Variants in RNF17 observed in about 807,000 individuals in gnomAD.
RNF17 encodes the protein ring finger protein 17.
A neutral mutation model predicts 200.5 loss-of-function variants in RNF17; 31 were observed. The observed-to-expected ratio is 0.15, with a 90% confidence interval of 0.12 to 0.21. RNF17 has a LOEUF of 0.21. RNF17 is among the 10% of genes least tolerant of loss of function. RNF17 has a pLI of 1.00. For missense variants in RNF17, 1,628 were observed against 1,905.1 expected (o/e 0.85, Z 2.71); for synonymous variants, 606 against 637.8 (o/e 0.95, Z 0.75).
At chr13:24,821,664 C>T (rs1888070186) in intron 15 of RNF17, among the ~76,000 whole-genome samples, 1 of 152,074 alleles carries the variant, frequency 6.6e-6, no homozygotes, top group East Asian at 1.9e-4. Context: ...AGTTATTATA[C>T]TTTTGAGCTC....
chr13:24,817,005 T>C (rs1165710242), intron 15 of RNF17, among the ~76,000 whole-genome samples: 1 of 152,238 alleles, frequency 6.6e-6, no homozygotes, highest in Non-Finnish European at 1.5e-5. Flanking sequence ...ACAAAATCTT[T>C]TAATATGCTG....
At chr13:24,758,504 G>A in the RNF17 span, among the ~76,000 whole-genome samples, 3 of 152,186 alleles carry the variant, frequency 2.0e-5, no homozygotes, top group Non-Finnish European at 4.4e-5. Context: ...ATTGGAAGCT[G>A]ATACAGAAGG....
the RNF17 span, among the ~76,000 whole-genome samples, chr13:24,754,314 T>C: frequency 6.6e-6 from 1 of 152,174 alleles, no homozygotes; most frequent in Non-Finnish European, 1.5e-5. Flanking sequence ...GTTTTGTTTT[T>C]GCTTTTGTCT....
chr13:24,860,226 C>G (rs1892957662), intron 26 of RNF17, among the ~76,000 whole-genome samples: 1 of 151,764 alleles, frequency 6.6e-6, no homozygotes. Context: ...ATTCAGTGTT[C>G]ATCAAGTTAT....
the RNF17 span, among the ~76,000 whole-genome samples, chr13:24,888,350 T>C: frequency 3.3e-5 from 5 of 152,050 alleles, no homozygotes; most frequent in South Asian, 1.0e-3. Flanking sequence ...GCGGAATATT[T>C]TATAAGGAGA....
intron 18 of RNF17, among the ~76,000 whole-genome samples, chr13:24,832,636 T>C (rs1889541121): frequency 6.6e-6 from 1 of 152,206 alleles, no homozygotes; most frequent in African/African-American, 2.4e-5. Flanking sequence ...GGGTATTAGA[T>C]ACATATACAC....
At chr13:24,844,926 G>A in intron 21 of RNF17, 35 bp from the exon 22 acceptor site, 4 of 1,556,118 alleles carry the variant, frequency 2.6e-6, no homozygotes, top group East Asian at 2.2e-5. Flanking sequence ...TCGAAATGTT[G>A]TTTGTCTGTA....
intron 30 of RNF17, among the ~76,000 whole-genome samples, chr13:24,866,600 T>C (rs2138366190): frequency 6.6e-6 from 1 of 152,364 alleles, no homozygotes. Context: ...TGTATATATA[T>C]CAGTGCTTCA....
chr13:24,823,874 C>A lies in RNF17; in HGVS notation c.2092-1745C>A, dbSNP rs74748645. Among the ~76,000 whole-genome samples, 808 of 152,336 alleles carry A rather than the reference C, an allele frequency of 5.3e-3. 21 individuals carry two copies. The East Asian group carries it at 0.081, about 15-fold the overall frequency. ...TTGGTACTCCCCTTTGCCACGTTTA[C>A]AAGTGGTCCCTGCAGTTCTTCCTGC... On this transcript the variant is annotated intron_variant, in intron 15 of 35. Transcript: ENST00000255324.
At chr13:24,868,241 C>CA (rs1223063545) in intron 30 of RNF17, among the ~76,000 whole-genome samples, 1 of 151,656 alleles carries the variant, frequency 6.6e-6, no homozygotes, top group African/African-American at 2.4e-5. Context: ...GAGGCCGAGG[C>CA]GGGCGGATCA....
In RNF17 at chr13:24,769,532, T is replaced by G. The variant is rs117853373; in HGVS notation, c.225+2166T>G. Among the ~76,000 whole-genome samples the G allele has an allele frequency of 2.6e-4, 39 of 152,158 alleles. 1 individual carries two copies. In the East Asian group the frequency reaches 7.3e-3, roughly 29 times the overall value. On this transcript the variant is annotated intron_variant, in intron 2 of 35. Transcript: ENST00000255324. ...AGTCATTCAAGAAACCTTCCTGAAATTGTTATCACTCTTTTTAAACTTTAG... is the reference window on the plus strand; with the variant it reads ...AGTCATTCAAGAAACCTTCCTGAAAGTGTTATCACTCTTTTTAAACTTTAG...
intron 11 of RNF17, among the ~76,000 whole-genome samples, chr13:24,799,084 CTTTCTTGAGCTTCTTGATGGCAA>C (rs1884947116): frequency 6.6e-6 from 1 of 152,132 alleles, no homozygotes; most frequent in Admixed American, 6.5e-5. Context: ...GTCTCTCTTC[CTTTCTTGAGCTTCTTGATGGCAA>C]GACAGTCTCA....
At chr13:24,785,194 CT>C (rs34367572) in intron 6 of RNF17, among the ~76,000 whole-genome samples, 63,126 of 151,780 alleles carry the variant, frequency 0.42, 13,177 homozygotes, top group Admixed American at 0.45. Flanking sequence ...TTGCGAGCTC[CT>C]TTTTAAATGT....
At chr13:24,796,541 TCTTTTAA>T (rs1239028860) in intron 11 of RNF17, among the ~76,000 whole-genome samples, 1 of 152,202 alleles carries the variant, frequency 6.6e-6, no homozygotes, top group East Asian at 1.9e-4. Flanking sequence ...AGGGCGAATT[TCTTTTAA>T]AACTACAAGA....
chr13:24,764,892 T>G (rs548870082), intron 1 of RNF17, among the ~76,000 whole-genome samples: 149 of 31,414 alleles, frequency 4.7e-3, no homozygotes, highest in African/African-American at 0.016. Context: ...TTGTGGGGTG[T>G]GTGTGTGTGT....
chr13:24,758,930 G>C, the RNF17 span, among the ~76,000 whole-genome samples: 1 of 151,712 alleles, frequency 6.6e-6, no homozygotes, highest in Non-Finnish European at 1.5e-5. Flanking sequence ...CAAAAAATTA[G>C]CCGGGCGTGG....
At chr13:24,863,958 G>A (rs1043049843) in intron 28 of RNF17, among the ~76,000 whole-genome samples, 4 of 152,172 alleles carry the variant, frequency 2.6e-5, no homozygotes, top group African/African-American at 9.7e-5. Flanking sequence ...TGGACACACA[G>A]CTGGGGGCTG....
At chr13:24,820,199 G>A (rs181083888) in intron 15 of RNF17, among the ~76,000 whole-genome samples, 2 of 147,032 alleles carry the variant, frequency 1.4e-5, no homozygotes, top group East Asian at 4.0e-4. Flanking sequence ...TCTGCTCACT[G>A]CAGTCTCTGC....
At chr13:24,750,330 T>C in the RNF17 span, among the ~76,000 whole-genome samples, 2 of 152,262 alleles carry the variant, frequency 1.3e-5, no homozygotes, top group African/African-American at 4.8e-5. Context: ...ATTTATACAC[T>C]ATAGAATTTA....
Sources: allele counts gnomAD v4.1 joint callset (sites outside exome capture counted in the v4.1 genomes callset), GRCh38; gene constraint gnomAD v4.1.1; transcripts MANE v1.5; gene names NCBI Gene and HGNC (gene_info 2026-07-23, HGNC 2026-07-21).